The following CATSPERD variants were observed in gnomAD, a reference collection of about 807,000 sequenced individuals.
CATSPERD encodes cation channel sperm-associated auxiliary subunit delta.
CATSPERD carries 86 observed loss-of-function variants against 98.1 expected under a neutral mutation model. That is an observed-to-expected ratio of 0.88 (90% CI 0.74 to 1.05). The LOEUF (loss-of-function observed/expected upper bound fraction) is 1.05. Among genes scored for constraint, CATSPERD ranks in the 50% least tolerant of loss-of-function variants. CATSPERD has a pLI of 0.00. For synonymous variants in CATSPERD, 394 were observed against 390.2 expected (o/e 1.01, Z -0.12); for missense variants, 995 against 1,005.7 (o/e 0.99, Z 0.14).
At chr19:5,760,708 T>C (rs2056418292) in intron 15 of CATSPERD, among the ~76,000 whole-genome samples, 1 of 151,986 alleles carries the variant, frequency 6.6e-6, no homozygotes, top group Non-Finnish European at 1.5e-5. Flanking sequence ...TTAATATTGA[T>C]GAATGGTGCA....
intron 13 of CATSPERD, among the ~76,000 whole-genome samples, chr19:5,756,959 A>T (rs952526781): frequency 1.4e-5 from 2 of 147,690 alleles, no homozygotes; most frequent in African/African-American, 5.0e-5. Flanking sequence ...AAATAAAAAT[A>T]AATAAATAGG....
intron 3 of CATSPERD, 57 bp downstream of exon 3, chr19:5,727,401 C>CA: frequency 7.8e-7 from 1 of 1,283,994 alleles, no homozygotes; most frequent in South Asian, 1.2e-5. Flanking sequence ...TTTAGATTTG[C>CA]CCCATTCATT....
chr19:5,751,738 C>G lies in CATSPERD; in HGVS notation c.1079C>G (p.Ala360Gly), dbSNP rs767596142. The G allele has an allele frequency of 1.2e-6, 2 of 1,613,840 alleles. No individual in the cohort carries two copies. Among genetic ancestry groups the G allele is most frequent in the South Asian group, 2.2e-5 (2 of 91,056 alleles). ...ATACTGACCCCACTGCGTGACACAG[C>G]CTTTCCAGCTTTTGATTTCCAGAAG... ...LEILTPLRDTAFPAFDFQKCL... is the reference protein window; with the variant it reads ...LEILTPLRDTGFPAFDFQKCL... The change falls in exon 12 of 22, where the codon GCC (alanine) becomes GGC (glycine). Residue 360 changes from alanine (A) to glycine (G), a missense_variant. Ala to Gly is a moderately conservative substitution (Grantham distance 60). This residue lies in a region of CATSPERD where 762 missense variants were observed against 773.7 expected (regional missense o/e 0.98). Transcript: ENST00000381624.
At chr19:5,756,084 C>A (rs2056319007) in intron 13 of CATSPERD, among the ~76,000 whole-genome samples, 1 of 151,988 alleles carries the variant, frequency 6.6e-6, no homozygotes, top group African/African-American at 2.4e-5. Flanking sequence ...AGTTCAAGAT[C>A]AGCCTGGCCA....
chr19:5,741,747 C>T (rs929434765), intron 7 of CATSPERD, among the ~76,000 whole-genome samples: 4 of 130,948 alleles, frequency 3.1e-5, no homozygotes, highest in African/African-American at 1.2e-4. Flanking sequence ...AGGCGCGGTG[C>T]CTCAGCCTGT....
chr19:5,748,728 C>CTTTTTTTT lies in CATSPERD; in HGVS notation c.905-360_905-353dup, dbSNP rs527796326. Reference sequence around the variant, plus strand: ...ACCAGAAAATAGCTGTCATATTATTCTTTTTTTTTTTTTTTTTTTTGAGAT... The same window carrying CTTTTTTTT: ...ACCAGAAAATAGCTGTCATATTATTCTTTTTTTTTTTTTTTTTTTTTTTTTTTTGAGAT... On this transcript the variant is annotated intron_variant, in intron 10 of 21. Transcript: ENST00000381624. Among the ~76,000 whole-genome samples the CTTTTTTTT allele has an allele frequency of 8.1e-4, 76 of 94,074 alleles. 1 individual carries two copies. The highest frequency in any genetic ancestry group is 1.1e-3 in the Non-Finnish European group (56 of 53,226). 61.7% of individuals were successfully genotyped at this position (94,074 alleles called of 152,430 possible).
At chr19:5,772,052 C>CTTT (rs745956659) in intron 19 of CATSPERD, 2,440 of 91,404 alleles carry the variant, frequency 0.027, 39 homozygotes, top group Middle Eastern at 0.042. Flanking sequence ...TTCCTTTTTT[C>CTTT]TTTTTTTTTT....
chr19:5,765,405 T>G lies in CATSPERD; in HGVS notation c.1507-698T>G, dbSNP rs201333945. ...GTTTATTCATTCTAGGCCATTGATTTATTCATTCATTCATTCATTCATTCA... is the reference window on the plus strand; with the variant it reads ...GTTTATTCATTCTAGGCCATTGATTGATTCATTCATTCATTCATTCATTCA... On this transcript the variant is annotated intron_variant, in intron 16 of 21. Transcript: ENST00000381624. Among the ~76,000 whole-genome samples the G allele has an allele frequency of 5.0e-5, 7 of 141,088 alleles. No individual in the cohort carries two copies. The East Asian group carries it at 6.0e-4, about 12-fold the overall frequency. 92.6% of individuals were successfully genotyped at this position (141,088 alleles called of 152,430 possible).
At chr19:5,730,134 A>C (rs918023308) in intron 4 of CATSPERD, among the ~76,000 whole-genome samples, 190 bp downstream of exon 4, 8 of 152,156 alleles carry the variant, frequency 5.3e-5, no homozygotes, top group Non-Finnish European at 8.8e-5. Context: ...CCTACTACCA[A>C]AATAGACTTT....
At chr19:5,741,799 T>TGGGGGGGGGGGG (rs1421382557) in intron 7 of CATSPERD, among the ~76,000 whole-genome samples, 1 of 15,490 alleles carries the variant, frequency 6.5e-5, no homozygotes, top group African/African-American at 1.6e-4. Context: ...GGGGGGGGGG[T>TGGGGGGGGGGGG]GGTGTGGATC....
chr19:5,757,978 C>T, intron 14 of CATSPERD, 46 bp downstream of exon 14: 4 of 1,483,112 alleles, frequency 2.7e-6, no homozygotes, highest in South Asian at 1.2e-5. Context: ...CCTTGAGAGG[C>T]CCCCTCTTCC....
intron 3 of CATSPERD, among the ~76,000 whole-genome samples, chr19:5,729,386 A>G (rs1460929930): frequency 6.6e-6 from 1 of 152,240 alleles, no homozygotes; most frequent in African/African-American, 2.4e-5. Context: ...GGCATGAGCC[A>G]TCACACCTGG....
intron 18 of CATSPERD, 79 bp from the exon 19 acceptor site, chr19:5,770,865 A>G (rs1159664933): frequency 7.3e-6 from 11 of 1,515,842 alleles, no homozygotes. Flanking sequence ...TTTGCAAAAA[A>G]GAAACTGCGG....
intron 4 of CATSPERD, among the ~76,000 whole-genome samples, chr19:5,733,381 C>T (rs2055772522): frequency 6.8e-6 from 1 of 146,542 alleles, no homozygotes; most frequent in Non-Finnish European, 1.5e-5. Context: ...CCTTCCCTCC[C>T]TCTCTGCCTC....
At chr19:5,740,293 A>G (rs1402887877) in intron 7 of CATSPERD, among the ~76,000 whole-genome samples, 1 of 150,072 alleles carries the variant, frequency 6.7e-6, no homozygotes, top group Non-Finnish European at 1.5e-5. Flanking sequence ...AAAAAATAAA[A>G]TAAAATAAAA....
At position 5,750,382 on chromosome 19, in the gene CATSPERD, CG is replaced by C. The variant is rs1229888043; in HGVS notation, c.987+1201del. Among the ~76,000 whole-genome samples the C allele has an allele frequency of 3.2e-5, 4 of 125,976 alleles. No individual in the cohort carries two copies. In the East Asian group the frequency reaches 1.1e-3, roughly 33 times the overall value. The allele number at this position is 125,976 out of a possible 152,430, so 82.6% of individuals were successfully genotyped here. A position where few individuals can be genotyped will look rare whatever the true frequency, so the allele number is the denominator to read the frequency against. On this transcript the variant is annotated intron_variant, in intron 11 of 21. Transcript: ENST00000381624. ...AGGAGAATGGCGTGAATCCAGGAGG[CG>C]GAGCTTGCAGTGAGCAGAGATCAAG...
intron 1 of CATSPERD, 103 bp downstream of exon 1, chr19:5,720,911 C>G: frequency 1.1e-6 from 1 of 896,160 alleles, no homozygotes; most frequent in South Asian, 1.7e-5. Context: ...CTGAGGCTCC[C>G]CTTTTACTCT....
chr19:5,733,065 C>G (rs2055759820), intron 4 of CATSPERD, among the ~76,000 whole-genome samples: 1 of 151,718 alleles, frequency 6.6e-6, no homozygotes, highest in Non-Finnish European at 1.5e-5. Flanking sequence ...GCAATCTCGG[C>G]TCACCGCAAC....
intron 10 of CATSPERD, 117 bp from the exon 11 acceptor site, chr19:5,748,984 C>T: frequency 1.4e-6 from 1 of 705,050 alleles, no homozygotes; most frequent in Non-Finnish European, 2.4e-6. Context: ...CCCCCCTCGG[C>T]CTCTCAAAGT....
Sources: gnomAD v4.1 joint callset for allele counts (sites outside exome capture counted in the v4.1 genomes callset) on GRCh38, gnomAD v4.1.1 for gene constraint, gnomAD v4.1.1 regional missense constraint, MANE v1.5 for transcripts, NCBI Gene and HGNC (gene_info 2026-07-23, HGNC 2026-07-21) for gene names.